STK33: variants seen among roughly 807,000 people sequenced by gnomAD.
The protein encoded by STK33 is serine/threonine-protein kinase 33.
A neutral mutation model predicts 58.0 loss-of-function variants in STK33; 52 were observed. That is an observed-to-expected ratio of 0.90 (90% CI 0.72 to 1.13). The LOEUF is 1.13. Ranked by LOEUF, STK33 falls within the 50% of genes most tolerant of loss-of-function variation. The pLI is 0.00. For missense variants in STK33, 630 were observed against 604.2 expected (o/e 1.04, Z -0.45); for synonymous variants, 215 against 200.1 (o/e 1.07, Z -0.63).
chr11:8,577,070 A>C lies in STK33; in HGVS notation c.-466+17013T>G, dbSNP rs145999286. Among the ~76,000 whole-genome samples the C allele has an allele frequency of 6.6e-3, 1,006 of 152,266 alleles. 11 individuals are homozygous for C. The highest frequency in any genetic ancestry group is 0.022 in the African/African-American group (912 of 41,556). On this transcript the variant is annotated intron_variant, in intron 1 of 15. Coordinates refer to ENST00000687296, the MANE Select transcript of STK33 (RefSeq NM_001352389.2). ...CTGCCAGGAAGATTCATTTAGAAGAAAATTTGGGAGGATAGGAGCCCTGAA... is the reference window on the plus strand; with the variant it reads ...CTGCCAGGAAGATTCATTTAGAAGACAATTTGGGAGGATAGGAGCCCTGAA...
chr11:8,400,284 C>T (rs189613228), intron 15 of STK33, among the ~76,000 whole-genome samples: 7,286 of 152,260 alleles, frequency 0.048, 254 homozygotes, highest in Non-Finnish European at 0.065. Flanking sequence ...ATCAAGCCGG[C>T]TTCATCCCTG....
At chr11:8,592,383 A>T (rs2032753521) in intron 1 of STK33, among the ~76,000 whole-genome samples, 1 of 152,232 alleles carries the variant, frequency 6.6e-6, no homozygotes, top group Non-Finnish European at 1.5e-5. Context: ...TTTCACTTAA[A>T]ACATATTAAT....
chr11:8,481,043 G>C (rs1293800466), intron 1 of STK33, among the ~76,000 whole-genome samples: 1 of 152,192 alleles, frequency 6.6e-6, no homozygotes, highest in African/African-American at 2.4e-5. Context: ...TACCGAGAGA[G>C]AGGAGCTGTC....
intron 1 of STK33, among the ~76,000 whole-genome samples, chr11:8,489,207 T>C (rs541694583): frequency 7.3e-6 from 1 of 137,278 alleles, no homozygotes; most frequent in Non-Finnish European, 1.5e-5. Context: ...CAGTGAGCTA[T>C]GATCACACTA....
intron 1 of STK33, among the ~76,000 whole-genome samples, chr11:8,522,508 C>CCA (rs1953563740): frequency 6.6e-6 from 1 of 151,602 alleles, no homozygotes; most frequent in African/African-American, 2.4e-5. Context: ...TTATCTAACA[C>CCA]CACACACAAA....
chr11:8,406,141 T>TTA (rs1939143846), intron 15 of STK33, among the ~76,000 whole-genome samples: 1 of 30,418 alleles, frequency 3.3e-5, no homozygotes. Flanking sequence ...AGACTCCGTC[T>TTA]CAAAAAAAAA....
chr11:8,334,907 G>A, the STK33 span, among the ~76,000 whole-genome samples: 14 of 152,166 alleles, frequency 9.2e-5, no homozygotes, highest in Non-Finnish European at 1.8e-4. Context: ...CCCTGGGTTG[G>A]GCACCCCAGC....
chr11:8,497,722 A>T (rs1196829017), intron 1 of STK33, among the ~76,000 whole-genome samples: 1 of 152,204 alleles, frequency 6.6e-6, no homozygotes, highest in Non-Finnish European at 1.5e-5. Flanking sequence ...TTTGCCTCCC[A>T]AAGTACTGGG....
intron 1 of STK33, among the ~76,000 whole-genome samples, chr11:8,494,850 T>C (rs1368304886): frequency 1.3e-5 from 2 of 152,198 alleles, no homozygotes; most frequent in African/African-American, 2.4e-5. Context: ...GGGGAAAGGA[T>C]TCCCTATTTA....
At chr11:8,547,458 C>T (rs112264992) in intron 1 of STK33, among the ~76,000 whole-genome samples, 4,689 of 152,310 alleles carry the variant, frequency 0.031, 234 homozygotes, top group African/African-American at 0.11. Context: ...AGGTGATCTG[C>T]CCGTCTCAGC....
intron 1 of STK33, among the ~76,000 whole-genome samples, chr11:8,494,054 C>T (rs895980060): frequency 3.3e-5 from 5 of 152,210 alleles, no homozygotes; most frequent in Non-Finnish European, 5.9e-5. Flanking sequence ...GGGATGCCCT[C>T]TCTCACCATT....
intron 1 of STK33, among the ~76,000 whole-genome samples, chr11:8,489,085 C>T (rs1218963791): frequency 6.6e-6 from 1 of 151,360 alleles, no homozygotes; most frequent in African/African-American, 2.4e-5. Context: ...AGAGCTAGAC[C>T]CTATCTCTAG....
chr11:8,493,148 T>C (rs1286980820), intron 1 of STK33, among the ~76,000 whole-genome samples: 4 of 151,672 alleles, frequency 2.6e-5, no homozygotes, highest in African/African-American at 7.3e-5. Context: ...AAAAAATCAA[T>C]GAATCTGGGA....
At chr11:8,471,871 C>A (rs191472307) in intron 6 of STK33, among the ~76,000 whole-genome samples, 2 of 152,162 alleles carry the variant, frequency 1.3e-5, no homozygotes, top group Admixed American at 1.3e-4. Flanking sequence ...CCTAATTTTT[C>A]ACAATGAACA....
At chr11:8,412,146 A>G (rs900133528) in intron 15 of STK33, among the ~76,000 whole-genome samples, 1 of 152,216 alleles carries the variant, frequency 6.6e-6, no homozygotes, top group Non-Finnish European at 1.5e-5. Flanking sequence ...ATATGTGAGT[A>G]TATGTGTATA....
the STK33 span, among the ~76,000 whole-genome samples, chr11:8,341,653 T>A: frequency 6.6e-6 from 1 of 152,188 alleles, no homozygotes; most frequent in African/African-American, 2.4e-5. Flanking sequence ...GGAGTCCATG[T>A]CCTGGGAGGA....
At chr11:8,550,133 C>G (rs553005688) in intron 1 of STK33, among the ~76,000 whole-genome samples, 22 of 152,220 alleles carry the variant, frequency 1.4e-4, no homozygotes, top group Non-Finnish European at 2.5e-4. Context: ...AAGGAACAAA[C>G]AATTATTGTA....
chr11:8,447,276 A>G (rs1945613991), intron 11 of STK33, among the ~76,000 whole-genome samples: 1 of 152,186 alleles, frequency 6.6e-6, no homozygotes, highest in Non-Finnish European at 1.5e-5. Context: ...ATCCTCCCTA[A>G]CTCATTTTAT....
rs554027840 is a variant in STK33 at position 8,423,027 on chromosome 11, G to T, written c.1147-9335C>A. ...GGCTGATTTTTTAAATTTTTTGTAG[G>T]GACAGGGTCTCACTATGTTGTCCAG... On this transcript the variant is annotated intron_variant, in intron 14 of 15. Transcript: ENST00000687296. Among the ~76,000 whole-genome samples the T allele has an allele frequency of 1.7e-4, 26 of 149,086 alleles. No homozygotes were observed. The South Asian group carries it at 5.5e-3, about 32-fold the overall frequency.
Sources: gnomAD v4.1 joint callset for allele counts (sites outside exome capture counted in the v4.1 genomes callset) on GRCh38, gnomAD v4.1.1 for gene constraint, MANE v1.5 for transcripts, NCBI Gene and HGNC (gene_info 2026-07-23, HGNC 2026-07-21) for gene names.